SLC26A4: variants seen among roughly 807,000 people sequenced by gnomAD.
SLC26A4 encodes the protein pendrin.
SLC26A4 carries 93 observed loss-of-function variants against 90.4 expected under a neutral mutation model. That is an observed-to-expected ratio of 1.03 (90% confidence interval 0.87 to 1.22). The LOEUF is 1.22. Among genes scored for constraint, SLC26A4 ranks in the 50% most tolerant of loss-of-function variants. The pLI, the probability that SLC26A4 is intolerant of heterozygous loss-of-function variation, is 0.00. For synonymous variants in SLC26A4, 393 were observed against 354.6 expected (o/e 1.11, Z -1.22); for missense variants, 1,127 against 946.2 (o/e 1.19, Z -2.51).
chr7:107,666,522 A>G (rs1292943714), intron 3 of SLC26A4, among the ~76,000 whole-genome samples: 1 of 152,158 alleles, frequency 6.6e-6, no homozygotes, highest in Non-Finnish European at 1.5e-5. Flanking sequence ...GTGCCCAGCC[A>G]GGAAGGGAGG....
intron 8 of SLC26A4, among the ~76,000 whole-genome samples, chr7:107,685,862 G>A (rs775037609): frequency 3.3e-5 from 5 of 152,196 alleles, no homozygotes; most frequent in Non-Finnish European, 1.5e-5. Flanking sequence ...TGGTGTGTGT[G>A]TGTCTGTGTG....
At chr7:107,688,287 A>T (rs1046927096) in intron 8 of SLC26A4, among the ~76,000 whole-genome samples, 1 of 152,186 alleles carries the variant, frequency 6.6e-6, no homozygotes, top group African/African-American at 2.4e-5. Flanking sequence ...TTTAGGCATA[A>T]GTGATGTAGG....
In SLC26A4 at chr7:107,663,397, T is replaced by C; in HGVS notation, c.266T>C (p.Ile89Thr). The C allele has an allele frequency of 3.1e-6, 5 of 1,614,058 alleles. No homozygotes were observed. Among genetic ancestry groups the C allele is most frequent in the Non-Finnish European group, 4.2e-6 (5 of 1,179,974 alleles). Residue 89 changes from isoleucine to threonine, a missense_variant, in exon 3 of 21, where the codon ATT becomes ACT. Coordinates refer to ENST00000644269, the MANE Select transcript of SLC26A4 (RefSeq NM_000441.2). ...AAGGAATGGCTGCTTAGTGACGTCATTTCGGGAGTTAGTACTGGGCTAGTG... is the reference window on the plus strand; with the variant it reads ...AAGGAATGGCTGCTTAGTGACGTCACTTCGGGAGTTAGTACTGGGCTAGTG... ...RVKEWLLSDV[I>T]SGVSTGLVAT...
chr7:107,669,950 G>A (rs1319216495), intron 3 of SLC26A4, among the ~76,000 whole-genome samples: 3 of 152,164 alleles, frequency 2.0e-5, no homozygotes, highest in Non-Finnish European at 4.4e-5. Flanking sequence ...GGAGGAAAGA[G>A]GATGTGATTG....
At chr7:107,691,162 G>A (rs576415060) in intron 10 of SLC26A4, among the ~76,000 whole-genome samples, 1 of 123,048 alleles carries the variant, frequency 8.1e-6, no homozygotes, top group Non-Finnish European at 1.8e-5. Flanking sequence ...CACATGCACA[G>A]TCTTCACAGT....
In SLC26A4 at chr7:107,716,323, T is replaced by C. The variant is rs2129321137; in HGVS notation, c.*877T>C. ...CAGTGCTATTCTGAGTGAAAATTTT[T>C]TTGATGTGCTTACATAACCATGGTG... On this transcript the variant is annotated 3_prime_UTR_variant, in exon 21 of 21. Coordinates refer to ENST00000644269, the MANE Select transcript of SLC26A4 (RefSeq NM_000441.2). The C allele has an allele frequency of 6.6e-6, 1 of 152,316 alleles. No individual in the cohort carries two copies. Among genetic ancestry groups the C allele is most frequent in the East Asian group, 1.9e-4 (1 of 5,188 alleles). The allele number at this position is 152,316 out of a possible 1,614,324, so 9.4% of individuals were successfully genotyped here.
At chr7:107,712,846 C>A (rs1792229893) in intron 20 of SLC26A4, among the ~76,000 whole-genome samples, 1 of 152,218 alleles carries the variant, frequency 6.6e-6, no homozygotes, top group Non-Finnish European at 1.5e-5. Context: ...TGATCAGCAA[C>A]TGGCAAGAGC....
In SLC26A4 at chr7:107,683,480, A is replaced by C; in HGVS notation, c.944A>C (p.Tyr315Ser). ...IVTIIATAIS[Y>S]GANLEKNYNA... ...ACGATAATTGCTACTGCCATTTCAT[A>C]TGGAGCCAACCTGGAAAAAAATTAC... The change falls in exon 8 of 21, where the codon TAT (tyrosine) becomes TCT (serine). Residue 315 changes from tyrosine (Y) to serine (S), a missense_variant. By Grantham distance (144) the Tyr-to-Ser change is moderately radical. Transcript: ENST00000644269. 6.2e-7 allele frequency: 1 copy of C among 1,613,952 alleles called. No homozygotes were observed. Among genetic ancestry groups the C allele is most frequent in the Non-Finnish European group, 8.5e-7 (1 of 1,179,860 alleles).
In SLC26A4 at chr7:107,710,154, G is replaced by T. The variant is rs142723249; in HGVS notation, c.2190G>T (p.Gln730His). Residue 730 changes from glutamine to histidine, a missense_variant, in exon 19 of 21, where the codon CAG (glutamine) becomes CAT (histidine). Transcript: ENST00000644269. ...LTVHDAILYL[Q>H]NQVKSQEGQG... Reference sequence around the variant, plus strand: ...TCCATGATGCTATACTCTATCTACAGAACCAAGTGAAATCTCAAGAGGGTC... The same window carrying T: ...TCCATGATGCTATACTCTATCTACATAACCAAGTGAAATCTCAAGAGGGTC... 299 of 1,609,284 alleles carry T rather than the reference G, an allele frequency of 1.9e-4. No homozygotes were observed. In the African/African-American group the frequency reaches 3.2e-3, roughly 17 times the overall value.
chr7:107,704,499 T>A (rs1270750891), intron 18 of SLC26A4, 114 bp downstream of exon 18: 1 of 618,024 alleles, frequency 1.6e-6, no homozygotes, highest in Admixed American at 3.0e-5. Flanking sequence ...CTTTTAAAGA[T>A]CTCAATTGTC....
intron 10 of SLC26A4, among the ~76,000 whole-genome samples, chr7:107,691,108 T>TACACACAC (rs113420862): frequency 0.13 from 18,772 of 141,224 alleles, 1,335 homozygotes; most frequent in East Asian, 0.17. Flanking sequence ...CATAGTGCAA[T>TACACACAC]ACACACACAC....
rs17154326 is a variant in SLC26A4 at position 107,694,527 on chromosome 7, T to C, written c.1341+47T>C. ...TACCGATTGCATAATTTCCCTTCACTACTCTGCTACCAGATAAATAACAGG... is the reference window on the plus strand; with the variant it reads ...TACCGATTGCATAATTTCCCTTCACCACTCTGCTACCAGATAAATAACAGG... On this transcript the variant is annotated intron_variant, in intron 11 of 20. Coordinates refer to ENST00000644269, the MANE Select transcript of SLC26A4 (RefSeq NM_000441.2). 4,472 of 1,534,338 alleles carry C rather than the reference T, an allele frequency of 2.9e-3. 203 individuals carry two copies. The East Asian group carries it at 0.082, about 28-fold the overall frequency.
At chr7:107,690,835 G>C (rs976196218) in intron 10 of SLC26A4, among the ~76,000 whole-genome samples, 1 of 151,918 alleles carries the variant, frequency 6.6e-6, no homozygotes, top group African/African-American at 2.4e-5. Flanking sequence ...TTTACAAGGT[G>C]GCCAAAAAGC....
intron 3 of SLC26A4, among the ~76,000 whole-genome samples, chr7:107,671,600 C>T (rs557816746): frequency 2.0e-5 from 3 of 152,314 alleles, no homozygotes; most frequent in African/African-American, 7.2e-5. Context: ...TGATTTGGAT[C>T]CTGTTCTGCA....
intron 6 of SLC26A4, among the ~76,000 whole-genome samples, chr7:107,682,132 T>TAAA (rs1562828616): frequency 0.036 from 3,817 of 107,230 alleles, 344 homozygotes; most frequent in Non-Finnish European, 0.046. Context: ...AAAAAAAAAT[T>TAAA]TTTTTTATGT....
In SLC26A4 at chr7:107,712,640, T is replaced by C; in HGVS notation, c.2319+18T>C. On this transcript the variant is annotated intron_variant, in intron 20 of 20. Transcript: ENST00000644269. Reference sequence around the variant, plus strand: ...AGGATGAGGTATGATCATTTTCTTCTGAAGAAAATATTTGAATTACATTTT... The same window carrying C: ...AGGATGAGGTATGATCATTTTCTTCCGAAGAAAATATTTGAATTACATTTT... The C allele has an allele frequency of 7.8e-7, 1 of 1,288,660 alleles. No individual in the cohort carries two copies. The highest frequency in any genetic ancestry group is 1.5e-5 in the African/African-American group (1 of 68,686). 79.8% of individuals were successfully genotyped at this position (1,288,660 alleles called of 1,614,324 possible). A position where few individuals can be genotyped will look rare whatever the true frequency, so the allele number is the denominator to read the frequency against.
rs187911712 is a variant in SLC26A4, at chr7:107,671,599, T to C, written c.305-539T>C. Among the ~76,000 whole-genome samples the C allele has an allele frequency of 7.3e-4, 111 of 152,322 alleles. 1 individual carries two copies. Among genetic ancestry groups the C allele is most frequent in the Non-Finnish European group, 1.5e-3 (104 of 68,022 alleles). On this transcript the variant is annotated intron_variant, in intron 3 of 20. Coordinates refer to ENST00000644269, the MANE Select transcript of SLC26A4 (RefSeq NM_000441.2). Reference sequence around the variant, plus strand: ...CAATCATTGTTCCAGGTGATTTGGATCCTGTTCTGCATCCTAGCATAGCCA... The same window carrying C: ...CAATCATTGTTCCAGGTGATTTGGACCCTGTTCTGCATCCTAGCATAGCCA...
Position 107,676,758 on chromosome 7 carries a change from C to T in SLC26A4, c.765+1649C>T, listed in dbSNP as rs114129468. ...TGTCAATAATTGCTCAATTTTATAA[C>T]GGTGCCATAATCCCATACTATTACA... On this transcript the variant is annotated intron_variant, in intron 6 of 20. Transcript: ENST00000644269. Among the ~76,000 whole-genome samples the T allele has an allele frequency of 2.8e-3, 427 of 152,282 alleles. 4 individuals carry two copies. Among genetic ancestry groups the T allele is most frequent in the African/African-American group, 9.5e-3 (396 of 41,568 alleles).
Position 107,715,418 on chromosome 7 carries a change from C to G in SLC26A4, c.2320-5C>G, listed in dbSNP as rs375788037. ...CAACACTTTGTTTTCCCCTTGCTTCCACAGGCTATGCGTACACTTGCATCC... is the reference window on the plus strand; with the variant it reads ...CAACACTTTGTTTTCCCCTTGCTTCGACAGGCTATGCGTACACTTGCATCC... On this transcript the variant is annotated splice_region_variant and splice_polypyrimidine_tract_variant and intron_variant, in intron 20 of 20. Transcript: ENST00000644269. 2.7e-5 allele frequency: 44 copies of G among 1,612,724 alleles called. No homozygotes were observed. In the African/African-American group the frequency reaches 5.1e-4, roughly 19 times the overall value.
Sources: allele counts gnomAD v4.1 joint callset (sites outside exome capture counted in the v4.1 genomes callset), GRCh38; gene constraint gnomAD v4.1.1; transcripts MANE v1.5; gene names NCBI Gene and HGNC (gene_info 2026-07-23, HGNC 2026-07-21).